SH3BGRL: variants seen among roughly 807,000 people sequenced by gnomAD.
SH3BGRL encodes adapter SH3BGRL.
A neutral mutation model predicts 9.8 loss-of-function variants in SH3BGRL; 7 were observed. The ratio of observed to expected loss-of-function variants is 0.72; its 90% confidence interval spans 0.41 to 1.35. SH3BGRL has a LOEUF of 1.35. SH3BGRL is among the 40% of genes most tolerant of loss of function. SH3BGRL has a pLI of 0.01. For missense variants in SH3BGRL, 73 were observed against 84.4 expected (o/e 0.86, Z 0.53); for synonymous variants, 36 against 29.1 (o/e 1.24, Z -0.76).
At chrX:81,294,542 C>T (rs1343211120) in intron 3 of SH3BGRL, among the ~76,000 whole-genome samples, 1 of 109,895 alleles carries the variant, frequency 9.1e-6, no homozygotes, top group Non-Finnish European at 1.9e-5. Flanking sequence ...GGAAATGCCT[C>T]GATATCCAAG....
At chrX:81,227,677 GT>G (rs2075621460) in intron 1 of SH3BGRL, among the ~76,000 whole-genome samples, 1 of 111,766 alleles carries the variant, frequency 8.9e-6, no homozygotes, top group Admixed American at 9.5e-5. Flanking sequence ...TGCTTTTTAA[GT>G]TTTAAATAAT....
Position 81,255,444 on chromosome X carries a change from T to C in SH3BGRL, c.46-21540T>C, listed in dbSNP as rs1048980304. 3.6e-5 allele frequency: 4 copies of C among 112,269 alleles called. No homozygotes were observed. In the South Asian group the frequency reaches 1.1e-3, roughly 31 times the overall value. The allele number at this position is 112,269 out of a possible 1,213,427, so 9.3% of individuals were successfully genotyped here. A position where few individuals can be genotyped will look rare whatever the true frequency, so the allele number is the denominator to read the frequency against. ...GATCTAAAATTCTGAGAGAATTTTC[T>C]GTGGAAATTACCCAGTTATATAATG... On this transcript the variant is annotated intron_variant, in intron 1 of 3. Transcript: ENST00000373212.
At chrX:81,219,727 T>C (rs1036275623) in intron 1 of SH3BGRL, among the ~76,000 whole-genome samples, 3 of 111,720 alleles carry the variant, frequency 2.7e-5, no homozygotes, top group Non-Finnish European at 3.8e-5. Context: ...TTCAGTTTTT[T>C]TCCCATTAAG....
intron 1 of SH3BGRL, among the ~76,000 whole-genome samples, chrX:81,217,084 C>G (rs1253542914): frequency 9.1e-6 from 1 of 110,265 alleles, no homozygotes; most frequent in East Asian, 2.8e-4. Context: ...GTTCCCGTTT[C>G]TCCACATCCT....
intron 1 of SH3BGRL, among the ~76,000 whole-genome samples, chrX:81,263,333 C>T (rs1365123928): frequency 1.8e-5 from 2 of 111,414 alleles, no homozygotes; most frequent in East Asian, 2.8e-4. Context: ...GGGTTGGAAC[C>T]GGCCACAGGG....
chrX:81,265,384 G>A (rs968337952), intron 1 of SH3BGRL, among the ~76,000 whole-genome samples: 3 of 108,814 alleles, frequency 2.8e-5, no homozygotes, highest in African/African-American at 6.7e-5. Context: ...CACAGGCCCC[G>A]GTGTGTGATG....
intron 1 of SH3BGRL, among the ~76,000 whole-genome samples, chrX:81,267,632 C>T (rs963647171): frequency 9.0e-6 from 1 of 111,519 alleles, no homozygotes; most frequent in Admixed American, 9.5e-5. Context: ...AGGATTTTCA[C>T]GTCGATATTC....
intron 1 of SH3BGRL, among the ~76,000 whole-genome samples, chrX:81,207,266 G>A: frequency 8.9e-6 from 1 of 112,071 alleles, no homozygotes; most frequent in Non-Finnish European, 1.9e-5. Context: ...GTGGGAAATA[G>A]ATGATTTCTT....
At chrX:81,266,507 G>A (rs1354519017) in intron 1 of SH3BGRL, among the ~76,000 whole-genome samples, 1 of 111,763 alleles carries the variant, frequency 8.9e-6, no homozygotes, top group Admixed American at 9.5e-5. Flanking sequence ...TCGAAGATCA[G>A]ATGGTTGTAG....
chrX:81,231,954 TTCTC>T (rs895176842), intron 1 of SH3BGRL, among the ~76,000 whole-genome samples: 6 of 111,471 alleles, frequency 5.4e-5, no homozygotes, highest in African/African-American at 2.0e-4. Flanking sequence ...TTTTATGTGT[TTCTC>T]TCTATATATA....
intron 1 of SH3BGRL, among the ~76,000 whole-genome samples, chrX:81,261,717 T>G (rs2075742017): frequency 9.0e-6 from 1 of 111,359 alleles, no homozygotes; most frequent in African/African-American, 3.3e-5. Context: ...AAGGAAGTAC[T>G]TTGCTAGTTG....
intron 3 of SH3BGRL, among the ~76,000 whole-genome samples, chrX:81,279,538 G>T (rs971156889): frequency 9.0e-6 from 1 of 111,392 alleles, no homozygotes; most frequent in Non-Finnish European, 1.9e-5. Context: ...GGAAAAGGGA[G>T]ACCCTCCTCT....
intron 1 of SH3BGRL, among the ~76,000 whole-genome samples, chrX:81,271,193 C>A (rs1344794885): frequency 8.9e-6 from 1 of 112,077 alleles, no homozygotes; most frequent in Non-Finnish European, 1.9e-5. Context: ...CCTATGACCC[C>A]TTGCACTTCC....
At chrX:81,264,535 G>A (rs1353802107) in intron 1 of SH3BGRL, among the ~76,000 whole-genome samples, 1 of 111,466 alleles carries the variant, frequency 9.0e-6, no homozygotes, top group Non-Finnish European at 1.9e-5. Flanking sequence ...ATATAGTAAG[G>A]CTTGGAAATT....
At chrX:81,283,406 G>T (rs1009858575) in intron 3 of SH3BGRL, among the ~76,000 whole-genome samples, 1 of 111,442 alleles carries the variant, frequency 9.0e-6, no homozygotes. Context: ...GAACATAGAT[G>T]CTAAAATCCT....
rs781285179 is a variant in SH3BGRL at position 81,215,350 on chromosome X, C to T, written c.45+13105C>T. Among the ~76,000 whole-genome samples the T allele has an allele frequency of 4.5e-5, 5 of 110,976 alleles. No homozygotes were observed. The East Asian group carries it at 8.6e-4, about 19-fold the overall frequency. On this transcript the variant is annotated intron_variant, in intron 1 of 3. Coordinates refer to ENST00000373212, the MANE Select transcript of SH3BGRL (RefSeq NM_003022.3). ...AATAGATTATGTAGATAGGTCCTGC[C>T]GATTCTGAATCTATGATTTGTGCTT...
intron 1 of SH3BGRL, among the ~76,000 whole-genome samples, chrX:81,252,402 A>T (rs1168991958): frequency 8.9e-6 from 1 of 112,079 alleles, no homozygotes; most frequent in Admixed American, 9.5e-5. Context: ...AAATCATCTA[A>T]GATACTTTAG....
At chrX:81,262,240 T>A (rs1177982639) in intron 1 of SH3BGRL, among the ~76,000 whole-genome samples, 2 of 110,903 alleles carry the variant, frequency 1.8e-5, no homozygotes, top group Non-Finnish European at 3.8e-5. Flanking sequence ...TATACAGTGA[T>A]GAAAAGGGAT....
chrX:81,279,466 G>T (rs1293874449), intron 3 of SH3BGRL, among the ~76,000 whole-genome samples: 1 of 110,943 alleles, frequency 9.0e-6, no homozygotes, highest in Non-Finnish European at 1.9e-5. Flanking sequence ...TCAAGGAAGT[G>T]GACTGCTCAT....
Sources: gnomAD v4.1 joint callset for allele counts (sites outside exome capture counted in the v4.1 genomes callset) on GRCh38, gnomAD v4.1.1 for gene constraint, MANE v1.5 for transcripts, NCBI Gene and HGNC (gene_info 2026-07-23, HGNC 2026-07-21) for gene names.